Variants in SPAG16 observed in about 807,000 individuals in gnomAD.
SPAG16 encodes the protein sperm associated antigen 16, also known as sperm-associated antigen 16 protein.
Under a neutral mutation model 80.4 loss-of-function variants are expected in SPAG16, and 86 were observed. The ratio of observed to expected loss-of-function variants is 1.07; its 90% CI spans 0.90 to 1.28. SPAG16 has a LOEUF of 1.28. Ranked by LOEUF, SPAG16 falls within the 50% of genes most tolerant of loss-of-function variation. SPAG16 has a pLI of 0.00. For synonymous variants in SPAG16, 294 were observed against 265.9 expected (o/e 1.11, Z -1.03); for missense variants, 870 against 765.3 (o/e 1.14, Z -1.61).
At chr2:213,705,096 A>G (rs1245117889) in intron 10 of SPAG16, among the ~76,000 whole-genome samples, 5 of 151,992 alleles carry the variant, frequency 3.3e-5, no homozygotes, top group Middle Eastern at 3.2e-3. Flanking sequence ...ACTAAAAAAA[A>G]ACAAAAAACA....
At chr2:213,358,800 G>T (rs1049240763) in intron 7 of SPAG16, among the ~76,000 whole-genome samples, 1 of 152,116 alleles carries the variant, frequency 6.6e-6, no homozygotes, top group Non-Finnish European at 1.5e-5. Context: ...TTGTTCCATT[G>T]CTGGTGAGGA....
chr2:213,434,080 G>T (rs1244266558), intron 9 of SPAG16, among the ~76,000 whole-genome samples: 1 of 151,802 alleles, frequency 6.6e-6, no homozygotes, highest in Non-Finnish European at 1.5e-5. Flanking sequence ...GCCATGACCG[G>T]TTAATTTTTT....
At chr2:213,668,180 C>A (rs1012853104) in intron 10 of SPAG16, among the ~76,000 whole-genome samples, 1 of 151,842 alleles carries the variant, frequency 6.6e-6, no homozygotes. Context: ...CTCAGGTGAT[C>A]CACCCACCTC....
At chr2:214,254,537 G>A (rs543659009) in intron 15 of SPAG16, among the ~76,000 whole-genome samples, 2 of 151,988 alleles carry the variant, frequency 1.3e-5, no homozygotes, top group Non-Finnish European at 2.9e-5. Context: ...TAAAACAATC[G>A]GTCAGCTTAG....
intron 13 of SPAG16, among the ~76,000 whole-genome samples, chr2:214,052,497 C>T (rs1173355399): frequency 1.3e-5 from 2 of 152,202 alleles, no homozygotes; most frequent in Non-Finnish European, 2.9e-5. Context: ...TTGCCTGCAC[C>T]AGCCACAGAC....
chr2:213,689,346 A>G (rs956242549), intron 10 of SPAG16, among the ~76,000 whole-genome samples: 3 of 151,936 alleles, frequency 2.0e-5, no homozygotes, highest in East Asian at 1.9e-4. Flanking sequence ...AGATTTTCCA[A>G]TTTCTTTGTG....
chr2:213,675,150 T>A (rs1224085467), intron 10 of SPAG16, among the ~76,000 whole-genome samples: 2 of 152,234 alleles, frequency 1.3e-5, no homozygotes, highest in African/African-American at 2.4e-5. Flanking sequence ...GGTGAGCATG[T>A]TTTCATGCGT....
chr2:213,589,671 C>G (rs982924813), intron 10 of SPAG16, among the ~76,000 whole-genome samples: 1 of 152,102 alleles, frequency 6.6e-6, no homozygotes, highest in Non-Finnish European at 1.5e-5. Flanking sequence ...CCTGTAATCC[C>G]GGCACTTTGG....
intron 13 of SPAG16, among the ~76,000 whole-genome samples, chr2:214,061,992 C>G (rs1319993959): frequency 6.9e-6 from 1 of 144,310 alleles, no homozygotes; most frequent in Non-Finnish European, 1.5e-5. Context: ...CACACACACA[C>G]ACACACACAC....
intron 12 of SPAG16, among the ~76,000 whole-genome samples, chr2:213,986,661 A>G (rs1006981986): frequency 3.9e-5 from 6 of 151,942 alleles, no homozygotes; most frequent in Non-Finnish European, 5.9e-5. Flanking sequence ...TGTCTGGTAG[A>G]AACTTTACCT....
At chr2:214,178,784 T>C (rs565490162) in intron 15 of SPAG16, among the ~76,000 whole-genome samples, 21 of 151,536 alleles carry the variant, frequency 1.4e-4, no homozygotes, top group African/African-American at 4.8e-4. Context: ...CAAAAACATT[T>C]TGATGATTTT....
At chr2:213,787,069 G>A (rs1016801034) in intron 10 of SPAG16, among the ~76,000 whole-genome samples, 2 of 152,132 alleles carry the variant, frequency 1.3e-5, no homozygotes, top group East Asian at 1.9e-4. Flanking sequence ...TATCCAAGTC[G>A]AGTACTAGTA....
intron 15 of SPAG16, among the ~76,000 whole-genome samples, chr2:214,375,177 T>C (rs1700054680): frequency 6.6e-6 from 1 of 152,168 alleles, no homozygotes; most frequent in African/African-American, 2.4e-5. Context: ...TCACACTAAC[T>C]GACCTTTCCA....
chr2:214,110,021 TG>T (rs1214475266), intron 14 of SPAG16, among the ~76,000 whole-genome samples: 6 of 152,134 alleles, frequency 3.9e-5, no homozygotes, highest in African/African-American at 1.4e-4. Flanking sequence ...TTAATAAATA[TG>T]GAAATAAGCA....
intron 11 of SPAG16, among the ~76,000 whole-genome samples, chr2:213,883,168 G>A (rs1477288303): frequency 6.6e-6 from 1 of 152,170 alleles, no homozygotes; most frequent in African/African-American, 2.4e-5. Flanking sequence ...CCTCTTAACA[G>A]ACTGCATTAG....
rs546792564 is a variant in SPAG16 at position 214,050,946 on chromosome 2, G to T, written c.1527+36869G>T. Among the ~76,000 whole-genome samples the T allele has an allele frequency of 2.6e-4, 39 of 152,284 alleles. No individual in the cohort carries two copies. In the South Asian group the frequency reaches 4.6e-3, roughly 18 times the overall value. On this transcript the variant is annotated intron_variant, in intron 13 of 15. Coordinates refer to ENST00000331683, the MANE Select transcript of SPAG16 (RefSeq NM_024532.5). The stretch of plus-strand genomic sequence containing the variant: ...ACATGTTTTACTCTCCAACATTATC[G>T]TTGAGTAGACTCAGAATGCAGAAGG...
At position 213,659,288 on chromosome 2, in the gene SPAG16, G is replaced by GTATTCTGA. The variant is rs1166827037; in HGVS notation, c.1070+169200_1070+169207dup. Among the ~76,000 whole-genome samples, 25 of 148,882 alleles carry GTATTCTGA rather than the reference G, an allele frequency of 1.7e-4. No individual in the cohort carries two copies. In the Admixed American group the frequency reaches 1.7e-3, roughly 10 times the overall value. ...TACATTCTCAGTGCTTCCTCTACCA[G>GTATTCTGA]TATTCTGATTCCACAGATATTCTAA... On this transcript the variant is annotated intron_variant, in intron 10 of 15. Transcript: ENST00000331683.
chr2:213,859,178 CA>C (rs1165853142), intron 10 of SPAG16, among the ~76,000 whole-genome samples: 2 of 9,378 alleles, frequency 2.1e-4, no homozygotes, highest in African/African-American at 9.8e-4. Context: ...CACTCCGTCT[CA>C]AAAAAAAAAA....
intron 9 of SPAG16, among the ~76,000 whole-genome samples, chr2:213,436,471 TTC>T (rs1025661105): frequency 1.3e-5 from 2 of 152,214 alleles, no homozygotes; most frequent in Non-Finnish European, 2.9e-5. Context: ...CAAATAAAAC[TTC>T]TGTTAATATA....
Sources: gnomAD v4.1 joint callset for allele counts (sites outside exome capture counted in the v4.1 genomes callset) on GRCh38, gnomAD v4.1.1 for gene constraint, MANE v1.5 for transcripts, NCBI Gene and HGNC (gene_info 2026-07-23, HGNC 2026-07-21) for gene names.